The following ARHGEF28 variants were observed in gnomAD, a reference collection of about 807,000 sequenced individuals.
ARHGEF28 encodes 190 kDa guanine nucleotide exchange factor.
Under a neutral mutation model 206.6 loss-of-function variants are expected in ARHGEF28, and 152 were observed. The observed-to-expected ratio is 0.74, with a 90% confidence interval of 0.64 to 0.84. ARHGEF28 has a LOEUF of 0.84. ARHGEF28 is among the 40% of genes least tolerant of loss of function. ARHGEF28 has a pLI of 0.00. For synonymous variants in ARHGEF28, 763 were observed against 776.4 expected, an observed-to-expected ratio of 0.98 and a Z score of 0.29; for missense variants, 2,028 against 2,073.2, an observed-to-expected ratio of 0.98 and a Z score of 0.42.
chr5:73,672,695 G>A (rs1481490585), intron 1 of ARHGEF28, among the ~76,000 whole-genome samples: 1 of 152,196 alleles, frequency 6.6e-6, no homozygotes, highest in East Asian at 1.9e-4. Context: ...GCTTTGCGTT[G>A]ACATGAACAA....
At chr5:73,669,607 C>A (rs948778812) in intron 1 of ARHGEF28, among the ~76,000 whole-genome samples, 1 of 152,188 alleles carries the variant, frequency 6.6e-6, no homozygotes, top group African/African-American at 2.4e-5. Flanking sequence ...TATATTCAGA[C>A]GTGTTGTAGT....
chr5:73,722,469 C>T (rs939271709), intron 2 of ARHGEF28, among the ~76,000 whole-genome samples: 1 of 152,256 alleles, frequency 6.6e-6, no homozygotes, highest in African/African-American at 2.4e-5. Flanking sequence ...AAATGGCCTG[C>T]AGCCCAGGCA....
intron 7 of ARHGEF28, among the ~76,000 whole-genome samples, chr5:73,785,038 GATTTCATCATACTACTCAAGAA>G (rs1231847076): frequency 6.6e-6 from 1 of 152,092 alleles, no homozygotes; most frequent in Non-Finnish European, 1.5e-5. Flanking sequence ...GATATCATGA[GATTTCATCATACTACTCAAGAA>G]TGGTCTGCAA....
intron 4 of ARHGEF28, among the ~76,000 whole-genome samples, chr5:73,768,119 C>T (rs2112436416): frequency 6.6e-6 from 1 of 152,292 alleles, no homozygotes; most frequent in East Asian, 1.9e-4. Flanking sequence ...TATGGAAATG[C>T]CTGTATGTCC....
chr5:73,697,629 T>C (rs1006333833), intron 2 of ARHGEF28, among the ~76,000 whole-genome samples: 4 of 152,124 alleles, frequency 2.6e-5, no homozygotes, highest in Non-Finnish European at 4.4e-5. Context: ...CCATTAATCA[T>C]GAATAGATTG....
chr5:73,659,617 C>T (rs1745457707), intron 1 of ARHGEF28, among the ~76,000 whole-genome samples: 1 of 152,018 alleles, frequency 6.6e-6, no homozygotes, highest in South Asian at 2.1e-4. Flanking sequence ...AAAGTTAGTC[C>T]TATTAATGTG....
At chr5:73,886,467 A>G (rs1761304851) in intron 25 of ARHGEF28, among the ~76,000 whole-genome samples, 1 of 152,238 alleles carries the variant, frequency 6.6e-6, no homozygotes, top group Non-Finnish European at 1.5e-5. Flanking sequence ...TTGCATGTCA[A>G]CACAGCCTAG....
intron 10 of ARHGEF28, among the ~76,000 whole-genome samples, chr5:73,838,825 C>T (rs1241408117): frequency 2.6e-5 from 4 of 152,128 alleles, no homozygotes. Context: ...CGATACAATG[C>T]TATTAGCTAT....
chr5:73,795,517 G>A (rs995579290), intron 9 of ARHGEF28, 126 bp downstream of exon 9: 29 of 788,536 alleles, frequency 3.7e-5, no homozygotes, highest in Admixed American at 2.0e-4. Flanking sequence ...TTCCTGAAAC[G>A]CATCCAGATA....
chr5:73,758,805 G>A (rs1480730062), intron 4 of ARHGEF28, among the ~76,000 whole-genome samples: 1 of 152,084 alleles, frequency 6.6e-6, no homozygotes, highest in African/African-American at 2.4e-5. Context: ...CACCCACCTC[G>A]GCCTCGCAAA....
chr5:73,658,666 TA>T (rs576564009), intron 1 of ARHGEF28, among the ~76,000 whole-genome samples: 12 of 152,064 alleles, frequency 7.9e-5, no homozygotes, highest in African/African-American at 2.4e-4. Context: ...GTGGTTCTTT[TA>T]AAAAAAATAT....
chr5:73,745,262 C>G (rs1751662388), intron 2 of ARHGEF28, among the ~76,000 whole-genome samples: 3 of 151,746 alleles, frequency 2.0e-5, no homozygotes, highest in Admixed American at 2.0e-4. Context: ...ACAGGAATAC[C>G]CAGTGATTAG....
At chr5:73,920,768 A>G (rs1426769728) in intron 35 of ARHGEF28, among the ~76,000 whole-genome samples, 2 of 152,128 alleles carry the variant, frequency 1.3e-5, no homozygotes, top group Admixed American at 6.6e-5. Flanking sequence ...TTGTATACAT[A>G]TAGCCCCCAT....
intron 4 of ARHGEF28, among the ~76,000 whole-genome samples, chr5:73,754,533 GT>G (rs1449487049): frequency 3.3e-5 from 5 of 152,126 alleles, no homozygotes; most frequent in African/African-American, 1.2e-4. Flanking sequence ...ATAAGGGGGA[GT>G]TGCAGTGATG....
chr5:73,659,544 G>A lies in ARHGEF28; in HGVS notation c.-11-25297G>A, dbSNP rs562007893. Among the ~76,000 whole-genome samples the A allele has an allele frequency of 7.6e-3, 1,132 of 149,668 alleles. 13 individuals are homozygous for A. The highest frequency in any genetic ancestry group is 0.026 in the African/African-American group (1,067 of 40,968). On this transcript the variant is annotated intron_variant, in intron 1 of 35. Transcript: ENST00000513042. Reference sequence around the variant, plus strand: ...ACTCCGTCTCAAAAAAAAAAAAAAAGTTTGTTATGTGTTTGTGAGTGCATG... The same window carrying A: ...ACTCCGTCTCAAAAAAAAAAAAAAAATTTGTTATGTGTTTGTGAGTGCATG...
In ARHGEF28 at chr5:73,891,999, C is replaced by G. The variant is rs535712792; in HGVS notation, c.3388-53C>G. 250 of 1,512,014 alleles carry G rather than the reference C, an allele frequency of 1.7e-4. 1 individual carries two copies. The South Asian group carries it at 2.1e-3, about 13-fold the overall frequency. The allele number at this position is 1,512,014 out of a possible 1,614,324, so 93.7% of individuals were successfully genotyped here. The stretch of plus-strand genomic sequence containing the variant: ...TTCCTTTAGCTCATGTTTTACGGAG[C>G]CTTACTTTAGCTAGGATGCTGTTTC... On this transcript the variant is annotated intron_variant, in intron 26 of 35. Coordinates refer to ENST00000513042, the MANE Select transcript of ARHGEF28 (RefSeq NM_001177693.2).
intron 2 of ARHGEF28, among the ~76,000 whole-genome samples, chr5:73,701,130 A>G (rs1477487191): frequency 6.6e-6 from 1 of 152,226 alleles, no homozygotes; most frequent in East Asian, 1.9e-4. Context: ...CCTCTTTAAT[A>G]AAACCCAGTG....
Position 73,873,066 on chromosome 5 carries a change from C to T in ARHGEF28, c.2634C>T (p.Gly878=), listed in dbSNP as rs1475587111. The change falls in exon 22 of 36, where the codon GGC becomes GGT. Residue 878 remains glycine, a synonymous_variant. Transcript: ENST00000513042. ...LFIMSEIFRK[G]MKEELQLDHS... ...TCATGTCTGAGATCTTCAGGAAAGG[C>T]ATGAAAGAGGAGCTGCAGCTGGACC... 8.7e-6 allele frequency: 14 copies of T among 1,613,636 alleles called. No homozygotes were observed. The highest frequency in any genetic ancestry group is 1.2e-5 in the Non-Finnish European group (14 of 1,179,744).
intron 26 of ARHGEF28, among the ~76,000 whole-genome samples, chr5:73,888,691 C>T (rs1393286732): frequency 6.6e-6 from 1 of 152,142 alleles, no homozygotes; most frequent in Non-Finnish European, 1.5e-5. Context: ...TTTTTTAGGA[C>T]GAGGTAGCAT....
Sources: allele counts gnomAD v4.1 joint callset (sites outside exome capture counted in the v4.1 genomes callset), GRCh38; gene constraint gnomAD v4.1.1; transcripts MANE v1.5; gene names NCBI Gene and HGNC (gene_info 2026-07-23, HGNC 2026-07-21).